Variants in MGAM observed in about 807,000 individuals in gnomAD.
The protein encoded by MGAM is alpha-1,4-glucosidase.
Under a neutral mutation model 358.8 loss-of-function variants are expected in MGAM, and 253 were observed. The ratio of observed to expected loss-of-function variants is 0.71; its 90% CI spans 0.64 to 0.78. MGAM has a LOEUF of 0.78. Ranked by LOEUF, MGAM falls within the 30% of genes least tolerant of loss-of-function variation. The pLI, the probability that MGAM is intolerant of heterozygous loss-of-function variation, is 0.00. For missense variants in MGAM, 3,080 were observed against 3,432.6 expected, an observed-to-expected ratio of 0.90 and a Z score of 2.57; for synonymous variants, 1,105 against 1,227.1, an observed-to-expected ratio of 0.90 and a Z score of 2.08.
chr7:142,007,907 A>G (rs1805293961), intron 2 of MGAM, among the ~76,000 whole-genome samples: 1 of 152,128 alleles, frequency 6.6e-6, no homozygotes, highest in Admixed American at 6.6e-5. Context: ...TTAGGATGAC[A>G]CTTGTACTGC....
At chr7:142,024,308 GGAGGCT>G (rs1806747712) in intron 7 of MGAM, among the ~76,000 whole-genome samples, 1 of 152,002 alleles carries the variant, frequency 6.6e-6, no homozygotes, top group Non-Finnish European at 1.5e-5. Context: ...TAGCTACTCA[GGAGGCT>G]GAGGCAGGAG....
intron 1 of MGAM, among the ~76,000 whole-genome samples, chr7:142,001,271 TG>T (rs1487743278): frequency 4.2e-4 from 64 of 152,214 alleles, no homozygotes; most frequent in African/African-American, 1.5e-3. Context: ...CATTTCCTTT[TG>T]CATAGTAAGA....
chr7:142,002,478 A>G (rs1804810799), intron 1 of MGAM, among the ~76,000 whole-genome samples: 1 of 152,142 alleles, frequency 6.6e-6, no homozygotes, highest in Non-Finnish European at 1.5e-5. Flanking sequence ...AACCCATATG[A>G]TCATATCAAT....
intron 64 of MGAM, 105 bp from the exon 65 acceptor site, chr7:142,096,226 G>T: frequency 8.8e-7 from 1 of 1,137,804 alleles, no homozygotes; most frequent in Non-Finnish European, 1.3e-6. Flanking sequence ...GGATGGCTCA[G>T]GGGCAGCTGT....
intron 10 of MGAM, among the ~76,000 whole-genome samples, chr7:142,028,999 C>T (rs541295122): frequency 3.2e-4 from 48 of 152,222 alleles, no homozygotes; most frequent in African/African-American, 1.1e-3. Context: ...GGTGAACTCT[C>T]GTGGCAGGCA....
intron 14 of MGAM, 85 bp downstream of exon 14, chr7:142,032,994 A>G: frequency 1.1e-6 from 1 of 899,146 alleles, no homozygotes; most frequent in South Asian, 1.9e-5. Flanking sequence ...AAATCTGGCA[A>G]GGGAATTTGT....
intron 26 of MGAM, among the ~76,000 whole-genome samples, chr7:142,053,945 C>T (rs1377155175): frequency 6.6e-6 from 1 of 152,184 alleles, no homozygotes; most frequent in African/African-American, 2.4e-5. Context: ...TACCTCTTGA[C>T]CGTAGAGTAA....
At chr7:142,062,315 T>C (rs1812289367) in intron 34 of MGAM, among the ~76,000 whole-genome samples, 1 of 152,212 alleles carries the variant, frequency 6.6e-6, no homozygotes, top group Admixed American at 6.5e-5. Context: ...GGGTCATTGA[T>C]TGTCATCATC....
Position 142,081,976 on chromosome 7 carries a change from A to T in MGAM, c.6003-66A>T, listed in dbSNP as rs781597929. On this transcript the variant is annotated intron_variant, in intron 50 of 70. Transcript: ENST00000475668. ...ATCAAGTGTTCTGTTGTCCTTGAAA[A>T]GTCAGCTGCTGGAAGCAGAGAGAAA... 11 of 1,456,418 alleles carry T rather than the reference A, an allele frequency of 7.6e-6. 1 individual carries two copies. The highest frequency in any genetic ancestry group is 1.1e-5 in the Non-Finnish European group (11 of 1,046,984). The allele number at this position is 1,456,418 out of a possible 1,614,324, so 90.2% of individuals were successfully genotyped here. A position where few individuals can be genotyped will look rare whatever the true frequency, so the allele number is the denominator to read the frequency against.
rs73739159 is a variant in MGAM, at chr7:142,092,577, T to C, written c.7002T>C (p.Asp2334=). 0.018 allele frequency: 27,262 copies of C among 1,547,026 alleles called. 4,491 individuals carry two copies. The African/African-American group carries it at 0.29, about 17-fold the overall frequency. The change falls in exon 59 of 71, where the codon GAT becomes GAC. Residue 2334 remains aspartate, a synonymous_variant. Coordinates refer to ENST00000475668, the MANE Select transcript of MGAM (RefSeq NM_001365693.1). ...VNGAVSPGCR[D]ASLNHPPYMP... ...GGGCAGTTTCTCCAGGCTGCAGGGATGCCTCTCTGAACCACCCTCCCTACA... is the reference window on the plus strand; with the variant it reads ...GGGCAGTTTCTCCAGGCTGCAGGGACGCCTCTCTGAACCACCCTCCCTACA...
chr7:142,049,201 A>T (rs1810701185), intron 22 of MGAM, among the ~76,000 whole-genome samples: 1 of 152,042 alleles, frequency 6.6e-6, no homozygotes, highest in Admixed American at 6.5e-5. Context: ...TCTTCTTTTT[A>T]TGTCTGAATA....
chr7:142,021,484 G>A (rs782158520), intron 5 of MGAM, 102 bp from the exon 6 acceptor site: 21 of 1,157,334 alleles, frequency 1.8e-5, no homozygotes, highest in Non-Finnish European at 2.6e-5. Context: ...AAGATATGAG[G>A]TCAGTTTGAT....
chr7:142,098,164 A>G (rs1258369032), intron 66 of MGAM, among the ~76,000 whole-genome samples: 2 of 152,150 alleles, frequency 1.3e-5, no homozygotes, highest in Non-Finnish European at 2.9e-5. Context: ...ACACAGAGGT[A>G]TGGGACCCAA....
chr7:141,989,551 CT>C lies in MGAM; in HGVS notation c.-2-15965del, dbSNP rs71166551. On this transcript the variant is annotated intron_variant, in intron 2 of 5. Transcript: ENST00000465654. ...GATTTGAAACTCCATGTTCTTCTTT[CT>C]TTTTTTTTTTTTCGATTATTAGAGA... 1.9e-3 allele frequency among the ~76,000 whole-genome samples: 266 copies of C among 142,830 alleles called. 1 individual carries two copies. The highest frequency in any genetic ancestry group is 7.0e-3 in the Middle Eastern group (2 of 286). The allele number at this position is 142,830 out of a possible 152,430, so 93.7% of individuals were successfully genotyped here.
chr7:142,012,822 G>A (rs137916014), intron 3 of MGAM, among the ~76,000 whole-genome samples: 2 of 152,018 alleles, frequency 1.3e-5, no homozygotes, highest in Non-Finnish European at 2.9e-5. Flanking sequence ...TGAAAATGGT[G>A]GTAAGACTGA....
rs1808195255 is a variant in MGAM at position 142,038,421 on chromosome 7, TGCC to T, written c.2232-109_2232-107del. 1.1e-5 allele frequency: 9 copies of T among 790,334 alleles called. No homozygotes were observed. The East Asian group carries it at 2.5e-4, about 22-fold the overall frequency. 49.0% of individuals were successfully genotyped at this position (790,334 alleles called of 1,614,324 possible). A position where few individuals can be genotyped will look rare whatever the true frequency, so the allele number is the denominator to read the frequency against. Reference sequence around the variant, plus strand: ...GTGTCACAGAATAATTTGGGGGGTTTGCCTGGGCAGACGGCCTGCATGCTTTCA... The same window carrying T: ...GTGTCACAGAATAATTTGGGGGGTTTTGGGCAGACGGCCTGCATGCTTTCA... On this transcript the variant is annotated intron_variant, in intron 18 of 70. Transcript: ENST00000475668.
At chr7:142,046,473 G>C (rs2129026823) in intron 21 of MGAM, among the ~76,000 whole-genome samples, 1 of 152,004 alleles carries the variant, frequency 6.6e-6, no homozygotes, top group South Asian at 2.1e-4. Context: ...CATTATGTTA[G>C]CTTCCTTCAA....
intron 35 of MGAM, 50 bp from the exon 36 acceptor site, chr7:142,063,449 G>A (rs760535385): frequency 2.5e-6 from 4 of 1,581,646 alleles, no homozygotes; most frequent in African/African-American, 1.3e-5. Context: ...AGAATTGGCA[G>A]GACGTAATTA....
upstream of MGAM, among the ~76,000 whole-genome samples, chr7:141,994,150 A>C (rs1554447899): frequency 6.6e-6 from 1 of 152,202 alleles, no homozygotes; most frequent in East Asian, 1.9e-4. Flanking sequence ...TGCTGGGATT[A>C]CAGGCGTGAG....
Sources: allele counts gnomAD v4.1 joint callset (sites outside exome capture counted in the v4.1 genomes callset), GRCh38; gene constraint gnomAD v4.1.1; transcripts MANE v1.5; gene names NCBI Gene and HGNC (gene_info 2026-07-23, HGNC 2026-07-21).